Variants in CSMD1 observed in about 807,000 individuals in gnomAD.
CSMD1 encodes CUB and sushi domain-containing protein 1.
CSMD1 carries 213 observed loss-of-function variants against 417.5 expected under a neutral mutation model. The ratio of observed to expected loss-of-function variants is 0.51; its 90% confidence interval spans 0.46 to 0.57. CSMD1 has a LOEUF of 0.57. CSMD1 is among the 20% of genes least tolerant of loss of function. The pLI is 0.00. For synonymous variants in CSMD1, 2,862 were observed against 1,736.8 expected (o/e 1.65, Z -16.11); for missense variants, 6,923 against 4,529.7 (o/e 1.53, Z -15.17).
intron 2 of CSMD1, among the ~76,000 whole-genome samples, chr8:4,580,006 G>A (rs971675288): frequency 2.6e-5 from 4 of 152,082 alleles, no homozygotes; most frequent in African/African-American, 9.7e-5. Context: ...CCATTTCCAT[G>A]TGAACTGTCA....
chr8:3,515,799 C>G (rs1797259060), intron 10 of CSMD1, among the ~76,000 whole-genome samples: 1 of 152,200 alleles, frequency 6.6e-6, no homozygotes, highest in South Asian at 2.1e-4. Flanking sequence ...AAGTGTCAGT[C>G]ATGACACTGG....
chr8:3,114,611 C>G (rs150321961), intron 42 of CSMD1, among the ~76,000 whole-genome samples: 1 of 151,880 alleles, frequency 6.6e-6, no homozygotes, highest in East Asian at 1.9e-4. Context: ...GAATCCAGAG[C>G]GCACTCTGTC....
In CSMD1 at chr8:3,619,167, A is replaced by G. The variant is rs770677308; in HGVS notation, c.1010-2370T>C. ...AGGTTAGATTCTTTGGAATATTAAT[A>G]TGTTTAAAAGCAGCTGGGGAAAAAA... On this transcript the variant is annotated intron_variant, in intron 7 of 69. Coordinates refer to ENST00000635120, the MANE Select transcript of CSMD1 (RefSeq NM_033225.6). 3.0e-4 allele frequency among the ~76,000 whole-genome samples: 46 copies of G among 152,176 alleles called. 1 individual carries two copies. Among genetic ancestry groups the G allele is most frequent in the Admixed American group, 5.2e-4 (8 of 15,268 alleles).
chr8:4,189,056 A>C (rs187973703), intron 3 of CSMD1, among the ~76,000 whole-genome samples: 1 of 152,316 alleles, frequency 6.6e-6, no homozygotes, highest in East Asian at 1.9e-4. Flanking sequence ...TATTTGTTAT[A>C]AGAGTGAAAG....
At chr8:3,885,650 C>A (rs549720131) in intron 5 of CSMD1, among the ~76,000 whole-genome samples, 1 of 152,070 alleles carries the variant, frequency 6.6e-6, no homozygotes, top group Non-Finnish European at 1.5e-5. Context: ...GTTCTCTATT[C>A]CCCCTCATTA....
chr8:3,036,377 G>C (rs1035953264), intron 50 of CSMD1, among the ~76,000 whole-genome samples: 3 of 152,044 alleles, frequency 2.0e-5, no homozygotes, highest in African/African-American at 4.8e-5. Flanking sequence ...CAATTGTTTT[G>C]TTTTGCTTTG....
chr8:3,680,023 C>G (rs1799570540), intron 7 of CSMD1, among the ~76,000 whole-genome samples: 1 of 151,914 alleles, frequency 6.6e-6, no homozygotes, highest in Non-Finnish European at 1.5e-5. Flanking sequence ...ATCTCTGGGA[C>G]ACATTTAAAG....
At chr8:4,919,881 C>T (rs1036388259) in intron 1 of CSMD1, among the ~76,000 whole-genome samples, 4 of 152,102 alleles carry the variant, frequency 2.6e-5, no homozygotes, top group Admixed American at 6.5e-5. Context: ...TCCTTCCCTC[C>T]AGAGGGTGCA....
intron 25 of CSMD1, among the ~76,000 whole-genome samples, chr8:3,295,988 G>C (rs1223805929): frequency 2.0e-5 from 3 of 152,062 alleles, no homozygotes. Flanking sequence ...GTACAGGGAA[G>C]AGATAGGCAA....
chr8:3,281,150 A>T (rs1802705495), intron 26 of CSMD1, among the ~76,000 whole-genome samples: 1 of 152,190 alleles, frequency 6.6e-6, no homozygotes, highest in Admixed American at 6.5e-5. Context: ...CAATAAGAAA[A>T]TGGGTAAACA....
chr8:3,657,105 T>A (rs146621986), intron 7 of CSMD1, among the ~76,000 whole-genome samples: 1 of 152,142 alleles, frequency 6.6e-6, no homozygotes, highest in African/African-American at 2.4e-5. Context: ...GCACTGGACA[T>A]TGTCATTGGA....
At chr8:3,811,614 G>A (rs976860392) in intron 5 of CSMD1, among the ~76,000 whole-genome samples, 1 of 152,086 alleles carries the variant, frequency 6.6e-6, no homozygotes, top group African/African-American at 2.4e-5. Flanking sequence ...CACTCCTTCA[G>A]AACCCAGGAC....
At chr8:3,910,853 T>A (rs912491657) in intron 5 of CSMD1, among the ~76,000 whole-genome samples, 2 of 152,190 alleles carry the variant, frequency 1.3e-5, no homozygotes, top group African/African-American at 2.4e-5. Context: ...ATTTCTGCCT[T>A]CCTTGGATGC....
intron 5 of CSMD1, among the ~76,000 whole-genome samples, chr8:3,904,110 T>C (rs1807949661): frequency 6.6e-6 from 1 of 152,220 alleles, no homozygotes; most frequent in Non-Finnish European, 1.5e-5. Flanking sequence ...TTATGCCTAA[T>C]GAAGTAATTC....
At chr8:3,244,819 G>A (rs889895778) in intron 26 of CSMD1, among the ~76,000 whole-genome samples, 2 of 152,312 alleles carry the variant, frequency 1.3e-5, no homozygotes, top group Non-Finnish European at 2.9e-5. Flanking sequence ...AGATGGGTGC[G>A]GGATCCGTCT....
chr8:4,363,299 C>T (rs919895112), intron 3 of CSMD1, among the ~76,000 whole-genome samples: 2 of 152,166 alleles, frequency 1.3e-5, no homozygotes, highest in African/African-American at 4.8e-5. Context: ...TTCCCTCCTG[C>T]CCGTCATGAA....
rs1285978141 is a variant in CSMD1 at position 4,316,811 on chromosome 8, G to A, written c.415+103142C>T. 3.3e-5 allele frequency among the ~76,000 whole-genome samples: 5 copies of A among 152,086 alleles called. No individual in the cohort carries two copies. The South Asian group carries it at 6.2e-4, about 19-fold the overall frequency. On this transcript the variant is annotated intron_variant, in intron 3 of 69. Transcript: ENST00000635120. Reference sequence around the variant, plus strand: ...AAATCTATATTGTGCTTCCCTCAAAGTCAGCACTCGGTAAACGCAAAATAA... The same window carrying A: ...AAATCTATATTGTGCTTCCCTCAAAATCAGCACTCGGTAAACGCAAAATAA...
intron 2 of CSMD1, among the ~76,000 whole-genome samples, chr8:4,486,482 T>C (rs1472022413): frequency 4.6e-5 from 7 of 151,728 alleles, no homozygotes; most frequent in Admixed American, 4.6e-4. Flanking sequence ...TTTATATTAG[T>C]TTTAGATTTT....
At chr8:3,100,725 T>C (rs1395064681) in intron 46 of CSMD1, among the ~76,000 whole-genome samples, 1 of 152,224 alleles carries the variant, frequency 6.6e-6, no homozygotes, top group Non-Finnish European at 1.5e-5. Flanking sequence ...CCAAAGCATC[T>C]TATTCAACGC....
Sources: gnomAD v4.1 joint callset for allele counts (sites outside exome capture counted in the v4.1 genomes callset) on GRCh38, gnomAD v4.1.1 for gene constraint, MANE v1.5 for transcripts, NCBI Gene and HGNC (gene_info 2026-07-23, HGNC 2026-07-21) for gene names.